The following PRKG1 variants were observed in gnomAD, a reference collection of about 807,000 sequenced individuals.
The protein encoded by PRKG1 is protein kinase cGMP-dependent 1, also known as cGMP-dependent protein kinase 1.
PRKG1 carries 35 observed loss-of-function variants against 88.1 expected under a neutral mutation model. The ratio of observed to expected loss-of-function variants is 0.40; its 90% confidence interval spans 0.30 to 0.53. The LOEUF (loss-of-function observed/expected upper bound fraction) is 0.53. Ranked by LOEUF, PRKG1 falls within the 20% of genes least tolerant of loss-of-function variation. The pLI, the probability that PRKG1 is intolerant of heterozygous loss-of-function variation, is 0.59. For synonymous variants in PRKG1, 303 were observed against 292.5 expected (o/e 1.04, Z -0.37); for missense variants, 540 against 839.8 (o/e 0.64, Z 4.41).
intron 2 of PRKG1, among the ~76,000 whole-genome samples, chr10:51,302,113 A>G (rs1156331968): frequency 6.6e-6 from 1 of 152,166 alleles, no homozygotes; most frequent in Non-Finnish European, 1.5e-5. Flanking sequence ...CTGAGGATGT[A>G]TCTTATACTT....
In PRKG1 at chr10:51,373,789, G is replaced by A. The variant is rs376174483; in HGVS notation, c.479-93934G>A. ...AGGCCATTATCATCAGCAAACTAAC[G>A]CAGGTGTTTCTTTTCTTTCTTTTTT... is the stretch of plus-strand genomic sequence containing the variant. On this transcript the variant is annotated intron_variant, in intron 2 of 17. Coordinates refer to ENST00000373980, the MANE Select transcript of PRKG1 (RefSeq NM_006258.4). Among the ~76,000 whole-genome samples the A allele has an allele frequency of 1.3e-3, 201 of 152,082 alleles. 1 individual carries two copies. Among genetic ancestry groups the A allele is most frequent in the African/African-American group, 4.0e-3 (165 of 41,500 alleles).
intron 7 of PRKG1, among the ~76,000 whole-genome samples, chr10:52,111,665 A>G (rs1479295450): frequency 6.6e-6 from 1 of 152,208 alleles, no homozygotes; most frequent in Non-Finnish European, 1.5e-5. Context: ...TTGGGGATCA[A>G]GGTGAAATGT....
chr10:51,325,868 C>G (rs1360458448), intron 2 of PRKG1, among the ~76,000 whole-genome samples: 1 of 152,120 alleles, frequency 6.6e-6, no homozygotes, highest in Non-Finnish European at 1.5e-5. Context: ...AACCATTCTA[C>G]TGCATTCCAT....
At chr10:50,999,626 G>A (rs1842867512) in intron 1 of PRKG1, among the ~76,000 whole-genome samples, 2 of 152,154 alleles carry the variant, frequency 1.3e-5, no homozygotes, top group Non-Finnish European at 2.9e-5. Context: ...TTGTATGTTT[G>A]CCTCTTGCAA....
chr10:51,727,294 A>G (rs1182085710), intron 3 of PRKG1, among the ~76,000 whole-genome samples: 3 of 148,904 alleles, frequency 2.0e-5, no homozygotes, highest in South Asian at 2.1e-4. Flanking sequence ...AAATATATAT[A>G]TATATATTTT....
intron 3 of PRKG1, among the ~76,000 whole-genome samples, chr10:51,584,144 T>C (rs7073096): frequency 0.069 from 10,524 of 152,200 alleles, 1,201 homozygotes; most frequent in African/African-American, 0.24. Context: ...CCACTATAGC[T>C]TTAATAACTC....
chr10:52,099,550 C>T (rs1242912091), intron 7 of PRKG1, among the ~76,000 whole-genome samples: 2 of 151,984 alleles, frequency 1.3e-5, no homozygotes, highest in East Asian at 3.9e-4. Context: ...ACATGTAATC[C>T]TGGGAGGGGT....
At chr10:52,293,184 C>A (rs1462192973) in intron 17 of PRKG1, among the ~76,000 whole-genome samples, 3 of 150,624 alleles carry the variant, frequency 2.0e-5, no homozygotes, top group Admixed American at 1.3e-4. Flanking sequence ...GAATAAAATA[C>A]CTAGGAATCC....
chr10:51,326,208 C>G (rs1484466403), intron 2 of PRKG1, among the ~76,000 whole-genome samples: 1 of 152,140 alleles, frequency 6.6e-6, no homozygotes, highest in Admixed American at 6.5e-5. Flanking sequence ...TTTGCAAGTT[C>G]CCAATTTAAT....
At chr10:51,584,988 G>A (rs1274801115) in intron 3 of PRKG1, among the ~76,000 whole-genome samples, 2 of 152,056 alleles carry the variant, frequency 1.3e-5, no homozygotes, top group Non-Finnish European at 2.9e-5. Flanking sequence ...CCCCCGATAA[G>A]TTTAAGAATA....
At chr10:51,942,155 G>A (rs1189436853) in intron 5 of PRKG1, among the ~76,000 whole-genome samples, 3 of 151,936 alleles carry the variant, frequency 2.0e-5, no homozygotes, top group Non-Finnish European at 4.4e-5. Context: ...TAACTGGTGT[G>A]AGATGGTATC....
intron 3 of PRKG1, among the ~76,000 whole-genome samples, chr10:51,586,873 A>T (rs2132198820): frequency 6.6e-6 from 1 of 152,260 alleles, no homozygotes. Context: ...TGGTATGAGG[A>T]AAAGGATGTA....
At chr10:51,871,195 T>C (rs1841148659) in intron 4 of PRKG1, among the ~76,000 whole-genome samples, 1 of 152,228 alleles carries the variant, frequency 6.6e-6, no homozygotes, top group African/African-American at 2.4e-5. Context: ...TTGCATTTCA[T>C]GTAAATATCC....
At chr10:51,869,471 G>C (rs1841102131) in intron 4 of PRKG1, among the ~76,000 whole-genome samples, 1 of 151,936 alleles carries the variant, frequency 6.6e-6, no homozygotes, top group African/African-American at 2.4e-5. Flanking sequence ...ACTTCCATAA[G>C]GGAAAATGGA....
chr10:51,559,190 G>A (rs1837392915), intron 3 of PRKG1, among the ~76,000 whole-genome samples: 1 of 151,944 alleles, frequency 6.6e-6, no homozygotes, highest in Non-Finnish European at 1.5e-5. Flanking sequence ...GCAGATAAAG[G>A]GGGACTTCTG....
At chr10:51,511,678 T>C (rs1325268312) in intron 3 of PRKG1, among the ~76,000 whole-genome samples, 1 of 152,192 alleles carries the variant, frequency 6.6e-6, no homozygotes, top group Non-Finnish European at 1.5e-5. Context: ...AAAGACTGGC[T>C]CTACCAACTG....
At chr10:52,058,168 T>C (rs10824005) in intron 6 of PRKG1, among the ~76,000 whole-genome samples, 61,030 of 151,752 alleles carry the variant, frequency 0.4, 13,283 homozygotes, top group East Asian at 0.6. Context: ...CCCAATATAA[T>C]AGCTATTGGT....
chr10:51,826,007 T>C (rs1304372379), intron 4 of PRKG1, among the ~76,000 whole-genome samples: 2 of 152,182 alleles, frequency 1.3e-5, no homozygotes, highest in Non-Finnish European at 2.9e-5. Context: ...TGCCCATTCA[T>C]GGGTACAATA....
chr10:51,455,684 G>A (rs553074337), intron 2 of PRKG1, among the ~76,000 whole-genome samples: 56 of 152,204 alleles, frequency 3.7e-4, no homozygotes, highest in African/African-American at 1.3e-3. Context: ...TTCCCAACAC[G>A]TTCCTCATCT....
Sources: gnomAD v4.1 joint callset for allele counts (sites outside exome capture counted in the v4.1 genomes callset) on GRCh38, gnomAD v4.1.1 for gene constraint, MANE v1.5 for transcripts, NCBI Gene and HGNC (gene_info 2026-07-23, HGNC 2026-07-21) for gene names.